The following TRAPPC9 variants were observed in gnomAD, a reference collection of about 807,000 sequenced individuals.
TRAPPC9 encodes trafficking protein particle complex subunit 9.
TRAPPC9 carries 83 observed loss-of-function variants against 124.0 expected under a neutral mutation model. The observed-to-expected ratio is 0.67, with a 90% CI of 0.56 to 0.80. TRAPPC9 has a LOEUF of 0.80. Among genes scored for constraint, TRAPPC9 ranks in the 30% least tolerant of loss-of-function variants. TRAPPC9 has a pLI of 0.00. For missense variants in TRAPPC9, 1,302 were observed against 1,508.3 expected (o/e 0.86, Z 2.27); for synonymous variants, 638 against 617.5 (o/e 1.03, Z -0.49).
intron 14 of TRAPPC9, among the ~76,000 whole-genome samples, chr8:140,279,500 A>C (rs985968582): frequency 6.6e-6 from 1 of 152,246 alleles, no homozygotes; most frequent in Non-Finnish European, 1.5e-5. Flanking sequence ...TTTTAAAATA[A>C]GAAATAAAAA....
At position 140,097,707 on chromosome 8, in the gene TRAPPC9, G is replaced by A. The variant is rs2060479999; in HGVS notation, c.2557-73628C>T. 1 of 152,166 alleles carries A rather than the reference G, an allele frequency of 6.6e-6. No individual in the cohort carries two copies. Among genetic ancestry groups the A allele is most frequent in the Admixed American group, 6.5e-5 (1 of 15,286 alleles). The allele number at this position is 152,166 out of a possible 1,614,324, so 9.4% of individuals were successfully genotyped here. Reference sequence around the variant, plus strand: ...CGCTGTCCACAGGGTAAGAACGCCTGTCTGGGTGGGTCCTTGGTGCACAAC... The same window carrying A: ...CGCTGTCCACAGGGTAAGAACGCCTATCTGGGTGGGTCCTTGGTGCACAAC... On this transcript the variant is annotated intron_variant, in intron 17 of 22. Transcript: ENST00000438773. The surrounding 1 kb of genome is among the most constrained non-coding windows in gnomAD (Gnocchi z 4.2).
intron 7 of TRAPPC9, among the ~76,000 whole-genome samples, chr8:140,381,308 G>A (rs761226245): frequency 6.6e-6 from 1 of 151,900 alleles, no homozygotes; most frequent in Non-Finnish European, 1.5e-5. Context: ...TAAGGGACTA[G>A]TATCCAGAAT....
chr8:139,888,086 G>A (rs906268779), intron 20 of TRAPPC9, among the ~76,000 whole-genome samples: 1 of 152,194 alleles, frequency 6.6e-6, no homozygotes, highest in Non-Finnish European at 1.5e-5. Context: ...GTCCGCACAT[G>A]CTGCTTGCTT....
chr8:140,370,955 C>T lies in TRAPPC9; in HGVS notation c.1351+9G>A. 3 of 1,613,836 alleles carry T rather than the reference C, an allele frequency of 1.9e-6. No individual in the cohort carries two copies. The highest frequency in any genetic ancestry group is 1.1e-5 in the South Asian group (1 of 91,068). ...CAACACCTTAGCGCCAGCAAGGGGA[C>T]TCCAGTACCTCTGCTGAAATCTTTG... On this transcript the variant is annotated intron_variant, in intron 8 of 22. Transcript: ENST00000438773.
intron 17 of TRAPPC9, among the ~76,000 whole-genome samples, chr8:140,125,587 CTTTTTT>C (rs11292333): frequency 5.9e-5 from 4 of 67,820 alleles, no homozygotes; most frequent in Middle Eastern, 0.019. Flanking sequence ...GAATCTCATT[CTTTTTT>C]TTTTTTTTTT....
intron 7 of TRAPPC9, among the ~76,000 whole-genome samples, chr8:140,396,393 A>G (rs2069098067): frequency 6.6e-6 from 1 of 151,832 alleles, no homozygotes. Flanking sequence ...TGCCCGCCTC[A>G]GCCTCCCAAA....
At chr8:140,036,494 T>C (rs9324517) in intron 17 of TRAPPC9, among the ~76,000 whole-genome samples, 108,857 of 151,978 alleles carry the variant, frequency 0.72, 39,403 homozygotes, top group Middle Eastern at 0.84. Context: ...CGAAAAAAAA[T>C]GAGAAGAATG....
chr8:139,944,189 C>T (rs989036537), intron 19 of TRAPPC9, among the ~76,000 whole-genome samples: 28 of 152,232 alleles, frequency 1.8e-4, no homozygotes, highest in Admixed American at 7.2e-4. Context: ...AAGAAATTAT[C>T]AACAGAAGTC....
chr8:139,746,710 A>G (rs1818918781), intron 21 of TRAPPC9, among the ~76,000 whole-genome samples: 1 of 152,224 alleles, frequency 6.6e-6, no homozygotes, highest in Non-Finnish European at 1.5e-5. Context: ...TGTTTGTTAC[A>G]GCATTTAGCT....
chr8:140,039,729 G>A (rs987609165), intron 17 of TRAPPC9: 2 of 152,200 alleles, frequency 1.3e-5, no homozygotes, highest in African/African-American at 2.4e-5. Flanking sequence ...TTCCTGCTAT[G>A]GTGCTAGCGA....
intron 17 of TRAPPC9, among the ~76,000 whole-genome samples, chr8:140,136,559 TG>T (rs1288176009): frequency 6.6e-6 from 1 of 152,172 alleles, no homozygotes; most frequent in African/African-American, 2.4e-5. Context: ...GCAGTCTGGC[TG>T]GGCACGGTGG....
At chr8:140,339,806 T>C (rs1447351406) in intron 9 of TRAPPC9, among the ~76,000 whole-genome samples, 1 of 152,202 alleles carries the variant, frequency 6.6e-6, no homozygotes, top group East Asian at 1.9e-4. Context: ...ATCACTGAAG[T>C]CACACTTAGC....
intron 7 of TRAPPC9, among the ~76,000 whole-genome samples, chr8:140,386,072 G>A (rs2132318705): frequency 6.6e-6 from 1 of 152,244 alleles, no homozygotes; most frequent in Non-Finnish European, 1.5e-5. Context: ...AAAACTACCT[G>A]ATTATCTCAA....
rs1393326814 is a variant in TRAPPC9, at chr8:139,961,139, CAT to C, written c.2810+27585_2810+27586del. On this transcript the variant is annotated intron_variant, in intron 19 of 22. Transcript: ENST00000438773. ...GAAGAGGAGGACAGCAGGAAACCCA[CAT>C]GTGTCCTCGGACAAACCCACGTGTG... Among the ~76,000 whole-genome samples, 22 of 125,140 alleles carry C rather than the reference CAT, an allele frequency of 1.8e-4. 3 individuals carry two copies. Among genetic ancestry groups the C allele is most frequent in the East Asian group, 6.7e-4 (3 of 4,484 alleles). 82.1% of individuals were successfully genotyped at this position (125,140 alleles called of 152,430 possible). A position where few individuals can be genotyped will look rare whatever the true frequency, so the allele number is the denominator to read the frequency against.
intron 9 of TRAPPC9, among the ~76,000 whole-genome samples, chr8:140,331,444 C>T (rs924588591): frequency 2.0e-5 from 3 of 152,044 alleles, no homozygotes; most frequent in African/African-American, 7.2e-5. Context: ...CTCAAAAGCA[C>T]AGGCCAATAA....
chr8:139,994,948 T>C (rs1423012982), intron 18 of TRAPPC9, among the ~76,000 whole-genome samples: 1 of 150,110 alleles, frequency 6.7e-6, no homozygotes, highest in African/African-American at 2.4e-5. Context: ...TTTTGAGAGT[T>C]TTAAGCAGAT....
At chr8:139,830,857 A>G (rs1264426320) in intron 21 of TRAPPC9, among the ~76,000 whole-genome samples, 1 of 152,198 alleles carries the variant, frequency 6.6e-6, no homozygotes, top group African/African-American at 2.4e-5. Context: ...GTGACCACGA[A>G]CAGAGGGTCC....
At chr8:140,137,093 A>G (rs1587786429) in intron 17 of TRAPPC9, among the ~76,000 whole-genome samples, 3 of 152,204 alleles carry the variant, frequency 2.0e-5, no homozygotes, top group African/African-American at 7.2e-5. Context: ...AAAAGCGGGG[A>G]GAGGGGAAAG....
chr8:140,452,208 CAGA>C (rs1485552600), intron 1 of TRAPPC9, among the ~76,000 whole-genome samples: 2 of 151,328 alleles, frequency 1.3e-5, no homozygotes, highest in African/African-American at 4.9e-5. Flanking sequence ...ATCACAAGGT[CAGA>C]AGATCGAGAT....
Sources: gnomAD v4.1 joint callset for allele counts (sites outside exome capture counted in the v4.1 genomes callset) on GRCh38, gnomAD v4.1.1 for gene constraint, Gnocchi (gnomAD v3.1) non-coding constraint, MANE v1.5 for transcripts, NCBI Gene and HGNC (gene_info 2026-07-23, HGNC 2026-07-21) for gene names.